Variants in PIK3R1 observed in about 807,000 individuals in gnomAD.
PIK3R1 encodes phosphatidylinositol 3-kinase regulatory subunit alpha.
PIK3R1 carries 29 observed loss-of-function variants against 98.0 expected under a neutral mutation model. The ratio of observed to expected loss-of-function variants is 0.30; its 90% CI spans 0.22 to 0.40. The LOEUF (loss-of-function observed/expected upper bound fraction) is 0.40. Ranked by LOEUF, PIK3R1 falls within the 10% of genes least tolerant of loss-of-function variation. The pLI is 1.00. For missense variants in PIK3R1, 596 were observed against 872.7 expected (o/e 0.68, Z 3.99); for synonymous variants, 282 against 311.8 (o/e 0.90, Z 1.01).
chr5:68,288,655 G>A (rs1747207702), intron 7 of PIK3R1: 10 of 1,606,250 alleles, frequency 6.2e-6, no homozygotes, highest in Non-Finnish European at 8.5e-6. Context: ...CGGGGGCTTG[G>A]CCCACTTGGT....
At chr5:68,240,456 G>A (rs1427426684) in intron 2 of PIK3R1, among the ~76,000 whole-genome samples, 1 of 152,248 alleles carries the variant, frequency 6.6e-6, no homozygotes, top group Admixed American at 6.5e-5. Context: ...AAAATTCACA[G>A]TTGTTTAACT....
chr5:68,289,895 C>A (rs28365970), intron 7 of PIK3R1, among the ~76,000 whole-genome samples: 34,555 of 151,724 alleles, frequency 0.23, 4,157 homozygotes, highest in South Asian at 0.26. Context: ...TGATCTATAG[C>A]CTCTTTCTTT....
intron 1 of PIK3R1, among the ~76,000 whole-genome samples, chr5:68,220,581 C>T (rs528625165): frequency 1.2e-4 from 18 of 152,308 alleles, no homozygotes; most frequent in African/African-American, 4.1e-4. Flanking sequence ...TTCTGAAGAG[C>T]CCTAGCTCCT....
rs200255602 is a variant in PIK3R1 at position 68,301,527 on chromosome 5, CAAAAA to C, written c.*3931_*3935del. 2 of 141,824 alleles carry C rather than the reference CAAAAA, an allele frequency of 1.4e-5. No homozygotes were observed. Among genetic ancestry groups the C allele is most frequent in the Non-Finnish European group, 3.0e-5 (2 of 66,480 alleles). The allele number at this position is 141,824 out of a possible 1,614,324, so 8.8% of individuals were successfully genotyped here. On this transcript the variant is annotated 3_prime_UTR_variant, in exon 16 of 16. Coordinates refer to ENST00000521381, the MANE Select transcript of PIK3R1 (RefSeq NM_181523.3). ...ATATATGTATTTAAAAAAATCAAAACAAAAAAAAACTCATTTATACCTGTGTATTT... is the reference window on the plus strand; with the variant it reads ...ATATATGTATTTAAAAAAATCAAAACAAAACTCATTTATACCTGTGTATTT...
At chr5:68,289,413 A>C (rs1369729070) in intron 7 of PIK3R1, among the ~76,000 whole-genome samples, 2 of 152,060 alleles carry the variant, frequency 1.3e-5, no homozygotes, top group Non-Finnish European at 2.9e-5. Flanking sequence ...TCTGCTTTTT[A>C]ATATATTTTA....
At chr5:68,222,290 T>G (rs1744118548) in intron 1 of PIK3R1, among the ~76,000 whole-genome samples, 1 of 152,074 alleles carries the variant, frequency 6.6e-6, no homozygotes, top group African/African-American at 2.4e-5. Flanking sequence ...GGCTGCTGGG[T>G]CTTCTGCAGT....
chr5:68,260,019 G>T (rs1580213514), intron 2 of PIK3R1, among the ~76,000 whole-genome samples: 1 of 152,100 alleles, frequency 6.6e-6, no homozygotes, highest in South Asian at 2.1e-4. Flanking sequence ...TGTTATGAAA[G>T]ATTATATTTT....
At chr5:68,279,035 G>A (rs773632886) in intron 4 of PIK3R1, among the ~76,000 whole-genome samples, 4 of 152,170 alleles carry the variant, frequency 2.6e-5, no homozygotes, top group Non-Finnish European at 5.9e-5. Flanking sequence ...TCCTTGGCTT[G>A]TAGATGGTCA....
intron 2 of PIK3R1, among the ~76,000 whole-genome samples, chr5:68,235,643 G>C (rs1055778707): frequency 6.6e-6 from 1 of 152,012 alleles, no homozygotes; most frequent in African/African-American, 2.4e-5. Flanking sequence ...TTTTGATTCA[G>C]AAGTATTTGA....
rs77119174 is a variant in PIK3R1, at chr5:68,232,521, C to T, written c.334+5512C>T. 9.9e-3 allele frequency among the ~76,000 whole-genome samples: 1,504 copies of T among 152,276 alleles called. 14 individuals are homozygous for T. The highest frequency in any genetic ancestry group is 0.015 in the Non-Finnish European group (1,049 of 68,006). ...AGAGGGGAGAGGAAGGCATTTCTCC[C>T]TCCTTCCCTCAGTCTGTTATTTGAA... On this transcript the variant is annotated intron_variant, in intron 2 of 15. Coordinates refer to ENST00000521381, the MANE Select transcript of PIK3R1 (RefSeq NM_181523.3).
rs1213620290 is a variant in PIK3R1, at chr5:68,300,930, G to A, written c.*3329G>A. On this transcript the variant is annotated 3_prime_UTR_variant, in exon 16 of 16. Coordinates refer to ENST00000521381, the MANE Select transcript of PIK3R1 (RefSeq NM_181523.3). ...TGGAAATCCTTGTTTTCAGTGTGTCGAGTCAAAATGTGTTTATGTGAGCTG... is the reference window on the plus strand; with the variant it reads ...TGGAAATCCTTGTTTTCAGTGTGTCAAGTCAAAATGTGTTTATGTGAGCTG... The A allele has an allele frequency of 1.7e-5, 4 of 233,168 alleles. No individual in the cohort carries two copies. Among genetic ancestry groups the A allele is most frequent in the Non-Finnish European group, 2.5e-5 (3 of 117,952 alleles). The allele number at this position is 233,168 out of a possible 1,614,324, so 14.4% of individuals were successfully genotyped here. A position where few individuals can be genotyped will look rare whatever the true frequency, so the allele number is the denominator to read the frequency against.
chr5:68,263,079 A>G lies in PIK3R1; in HGVS notation c.335-10311A>G, dbSNP rs565066980. 5.6e-3 allele frequency among the ~76,000 whole-genome samples: 774 copies of G among 137,588 alleles called. 25 individuals carry two copies. Among genetic ancestry groups the G allele is most frequent in the African/African-American group, 0.02 (728 of 36,020 alleles). The allele number at this position is 137,588 out of a possible 152,430, so 90.3% of individuals were successfully genotyped here. A position where few individuals can be genotyped will look rare whatever the true frequency, so the allele number is the denominator to read the frequency against. ...GATACATGTAGATACATGTATACAT[A>G]TATACATGTAGATACATGTATATAG... On this transcript the variant is annotated intron_variant, in intron 2 of 15. Transcript: ENST00000521381.
chr5:68,256,521 C>T (rs908766110), intron 2 of PIK3R1, among the ~76,000 whole-genome samples: 6 of 152,202 alleles, frequency 3.9e-5, no homozygotes, highest in Admixed American at 6.5e-5. Flanking sequence ...TGAGCCACCG[C>T]ACCCAGCAAC....
At position 68,226,315 on chromosome 5, in the gene PIK3R1, G is replaced by A. The variant is rs997279539; in HGVS notation, c.-361G>A. The A allele has an allele frequency of 7.2e-6, 3 of 419,300 alleles. No individual in the cohort carries two copies. The highest frequency in any genetic ancestry group is 2.0e-4 in the South Asian group (2 of 9,954). 26.0% of individuals were successfully genotyped at this position (419,300 alleles called of 1,614,324 possible). The stretch of plus-strand genomic sequence containing the variant: ...GTGAAGCTCGTGTGTGGAGTGCCAC[G>A]GTACAATCAGACGACAGATGGACAG... On this transcript the variant is annotated 5_prime_UTR_variant, in exon 2 of 16. Coordinates refer to ENST00000521381, the MANE Select transcript of PIK3R1 (RefSeq NM_181523.3).
intron 2 of PIK3R1, among the ~76,000 whole-genome samples, chr5:68,243,871 T>C (rs977073109): frequency 5.9e-5 from 9 of 152,362 alleles, no homozygotes; most frequent in Non-Finnish European, 1.2e-4. Flanking sequence ...TTAAGCTTCG[T>C]GGACAATTGA....
At chr5:68,271,699 C>CTCGG (rs1344839529) in intron 2 of PIK3R1, among the ~76,000 whole-genome samples, 1 of 152,224 alleles carries the variant, frequency 6.6e-6, no homozygotes, top group African/African-American at 2.4e-5. Context: ...TCACAGAAAG[C>CTCGG]TCTAATAGTG....
chr5:68,261,018 A>G (rs144258243), intron 2 of PIK3R1, among the ~76,000 whole-genome samples: 2 of 152,200 alleles, frequency 1.3e-5, no homozygotes, highest in African/African-American at 4.8e-5. Context: ...CCAGTGAAGT[A>G]TAATTAAATG....
At chr5:68,230,170 G>A (rs114338314) in intron 2 of PIK3R1, among the ~76,000 whole-genome samples, 2,116 of 152,194 alleles carry the variant, frequency 0.014, 49 homozygotes, top group African/African-American at 0.048. Context: ...CAAATCTTTC[G>A]TCTCATGGAG....
rs566903272 is a variant in PIK3R1, at chr5:68,216,571, C to T, written c.-387+622C>T. ...GGGCGGTTGGTCGCTGGGGCCCTAA[C>T]TCAGCGTTTATTGCCAGCCAAGCTT... On this transcript the variant is annotated intron_variant, in intron 1 of 15. Coordinates refer to ENST00000521381, the MANE Select transcript of PIK3R1 (RefSeq NM_181523.3). Among the ~76,000 whole-genome samples the T allele has an allele frequency of 1.6e-4, 25 of 152,314 alleles. No homozygotes were observed. In the South Asian group the frequency reaches 4.8e-3, roughly 29 times the overall value.
Sources: gnomAD v4.1 joint callset for allele counts (sites outside exome capture counted in the v4.1 genomes callset) on GRCh38, gnomAD v4.1.1 for gene constraint, MANE v1.5 for transcripts, NCBI Gene and HGNC (gene_info 2026-07-23, HGNC 2026-07-21) for gene names.